FAM117B: variants seen among roughly 807,000 people sequenced by gnomAD.
FAM117B encodes the protein protein FAM117B.
A neutral mutation model predicts 52.8 loss-of-function variants in FAM117B; 22 were observed. The ratio of observed to expected loss-of-function variants is 0.42; its 90% CI spans 0.30 to 0.59. The LOEUF is 0.59. FAM117B is among the 20% of genes least tolerant of loss of function. The pLI, the probability that FAM117B is intolerant of heterozygous loss-of-function variation, is 0.22. For missense variants in FAM117B, 678 were observed against 802.6 expected (o/e 0.84, Z 1.88); for synonymous variants, 309 against 324.1 (o/e 0.95, Z 0.50).
At chr2:202,714,664 C>G (rs533662134) in intron 2 of FAM117B, among the ~76,000 whole-genome samples, 2 of 150,754 alleles carry the variant, frequency 1.3e-5, no homozygotes, top group African/African-American at 2.4e-5. Flanking sequence ...TTTTCCTAGG[C>G]AGAGGACCCT....
At chr2:202,672,742 C>T (rs1048419532) in intron 1 of FAM117B, among the ~76,000 whole-genome samples, 2 of 151,960 alleles carry the variant, frequency 1.3e-5, no homozygotes, top group Non-Finnish European at 2.9e-5. Flanking sequence ...AGTATAAGAT[C>T]GGAGGTGACA....
At position 202,635,603 on chromosome 2, in the gene FAM117B, GGCCGCC is replaced by G. The variant is rs781743179; in HGVS notation, c.431_436del (p.Pro144_Pro145del). The stretch of plus-strand genomic sequence containing the variant: ...CCTGGAGCTCGCGGGAGCCCCCCAC[GGCCGCC>G]GCCGCCGCCGCCGCTGCTGGGCACC... On this transcript the variant is annotated inframe_deletion, in exon 1 of 8. Transcript: ENST00000392238. 64 of 1,279,854 alleles carry G rather than the reference GGCCGCC, an allele frequency of 5.0e-5. No individual in the cohort carries two copies. The highest frequency in any genetic ancestry group is 6.0e-4 in the Middle Eastern group (2 of 3,330). 79.3% of individuals were successfully genotyped at this position (1,279,854 alleles called of 1,614,324 possible).
At chr2:202,664,314 G>A (rs1574546813) in intron 1 of FAM117B, among the ~76,000 whole-genome samples, 1 of 152,282 alleles carries the variant, frequency 6.6e-6, no homozygotes, top group Admixed American at 6.5e-5. Context: ...TAGGAAAAAT[G>A]ATAAAAATAT....
intron 1 of FAM117B, among the ~76,000 whole-genome samples, chr2:202,666,394 G>T (rs529936391): frequency 6.6e-6 from 1 of 151,510 alleles, no homozygotes; most frequent in African/African-American, 2.4e-5. Flanking sequence ...GGTGTTACAC[G>T]TTCACAAACG....
chr2:202,700,481 G>A (rs1038871642), intron 2 of FAM117B, among the ~76,000 whole-genome samples: 1 of 152,182 alleles, frequency 6.6e-6, no homozygotes, highest in Admixed American at 6.5e-5. Flanking sequence ...ATTCTCTTCA[G>A]TTCTTATGAA....
Position 202,635,712 on chromosome 2 carries a change from G to A in FAM117B, c.525G>A (p.Arg175=). The change falls in exon 1 of 8, where the codon CGG becomes CGA. Residue 175 remains arginine, a synonymous_variant. Coordinates refer to ENST00000392238, the MANE Select transcript of FAM117B (RefSeq NM_173511.4). ...VSAAPPPARV[R]HRRRSPEQSR... ...CGGCCCCACCCCCAGCCCGCGTCCG[G>A]CATCGGAGGAGGTCTCCGGAGCAGA... The A allele has an allele frequency of 1.4e-6, 2 of 1,436,792 alleles. No homozygotes were observed. The highest frequency in any genetic ancestry group is 1.4e-5 in the South Asian group (1 of 73,936). The allele number at this position is 1,436,792 out of a possible 1,614,324, so 89.0% of individuals were successfully genotyped here. A position where few individuals can be genotyped will look rare whatever the true frequency, so the allele number is the denominator to read the frequency against.
At chr2:202,658,392 C>T (rs999940368) in intron 1 of FAM117B, among the ~76,000 whole-genome samples, 1 of 152,248 alleles carries the variant, frequency 6.6e-6, no homozygotes, top group South Asian at 2.1e-4. Context: ...CAGCCTCTGC[C>T]TCCTGGGTTC....
chr2:202,702,229 AAAAATAC>A (rs1305163125), intron 2 of FAM117B, among the ~76,000 whole-genome samples: 10 of 152,036 alleles, frequency 6.6e-5, no homozygotes, highest in Admixed American at 6.5e-4. Context: ...CTTCTATATT[AAAAATAC>A]AAAATTTAGT....
chr2:202,727,654 G>A (rs1260196988), intron 4 of FAM117B, among the ~76,000 whole-genome samples: 2 of 152,074 alleles, frequency 1.3e-5, no homozygotes, highest in African/African-American at 4.8e-5. Flanking sequence ...AAATCATAAT[G>A]CACTTACCAT....
chr2:202,691,649 T>TTGTGTGTGTGTGTGTA (rs1360538629), intron 1 of FAM117B, among the ~76,000 whole-genome samples: 3,088 of 126,716 alleles, frequency 0.024, 80 homozygotes, highest in Non-Finnish European at 0.036. Context: ...CCAGTTTACA[T>TTGTGTGTGTGTGTGTA]TGTGTGTGTG....
rs183717098 is a variant in FAM117B at position 202,635,937 on chromosome 2, C to G, written c.601+149C>G. ...GGGCGGTGCCGGGCGGTGGGGGACC[C>G]GGCAGTGCGGCCCCGCCTTTCCCGG... On this transcript the variant is annotated intron_variant, in intron 1 of 7. Transcript: ENST00000392238. The G allele has an allele frequency of 0.021, 19,859 of 962,052 alleles. 2,973 individuals carry two copies. In the African/African-American group the frequency reaches 0.31, roughly 15 times the overall value. 59.6% of individuals were successfully genotyped at this position (962,052 alleles called of 1,614,324 possible).
In FAM117B at chr2:202,640,679, G is replaced by A. The variant is rs185251718; in HGVS notation, c.601+4891G>A. ...GGCTGGAGTGTAGTGGCACGATCTC[G>A]GCTCACTGCAACCTCTGCCTCCGGG... On this transcript the variant is annotated intron_variant, in intron 1 of 7. Transcript: ENST00000392238. 1.4e-3 allele frequency among the ~76,000 whole-genome samples: 206 copies of A among 151,352 alleles called. 1 individual carries two copies. The highest frequency in any genetic ancestry group is 2.3e-3 in the Non-Finnish European group (155 of 67,884).
chr2:202,704,184 G>T (rs1690838956), intron 2 of FAM117B, among the ~76,000 whole-genome samples: 2 of 152,084 alleles, frequency 1.3e-5, no homozygotes, highest in South Asian at 2.1e-4. Context: ...CCAATTTTTT[G>T]AGGTTACTTT....
intron 4 of FAM117B, among the ~76,000 whole-genome samples, chr2:202,749,636 A>G (rs933192316): frequency 3.9e-5 from 6 of 152,150 alleles, no homozygotes; most frequent in Admixed American, 2.6e-4. Context: ...CAATAAAGAA[A>G]ACAATGGCAG....
intron 4 of FAM117B, among the ~76,000 whole-genome samples, chr2:202,732,826 GTAAATAAATAAA>G (rs71406995): frequency 2.1e-5 from 3 of 141,066 alleles, no homozygotes; most frequent in Non-Finnish European, 3.0e-5. Flanking sequence ...ATCTCAATAA[GTAAATAAATAAA>G]TAAATAAATA....
rs186673459 is a variant in FAM117B, at chr2:202,693,632, A to G, written c.602-2249A>G. ...AAAACAAACACTTTTATGCACATCT[A>G]ATTACTTTTTAAAACAAAATATGAG... On this transcript the variant is annotated intron_variant, in intron 1 of 7. Coordinates refer to ENST00000392238, the MANE Select transcript of FAM117B (RefSeq NM_173511.4). Among the ~76,000 whole-genome samples the G allele has an allele frequency of 4.6e-5, 7 of 152,250 alleles. No individual in the cohort carries two copies. The East Asian group carries it at 1.3e-3, about 29-fold the overall frequency.
At chr2:202,698,670 G>A (rs1574560589) in intron 2 of FAM117B, among the ~76,000 whole-genome samples, 1 of 151,988 alleles carries the variant, frequency 6.6e-6, no homozygotes. Flanking sequence ...TGATCCACCC[G>A]CCTTGGCCTC....
chr2:202,656,485 T>C (rs2105759249), intron 1 of FAM117B, among the ~76,000 whole-genome samples: 1 of 152,346 alleles, frequency 6.6e-6, no homozygotes, highest in Non-Finnish European at 1.5e-5. Context: ...TAGAAGGGTT[T>C]TATTCAGTTT....
At chr2:202,760,566 G>A (rs929493262) in intron 7 of FAM117B, among the ~76,000 whole-genome samples, 2 of 152,144 alleles carry the variant, frequency 1.3e-5, no homozygotes, top group African/African-American at 2.4e-5. Context: ...ACCCAGGATT[G>A]TGGGGAAGCT....
Sources: gnomAD v4.1 joint callset for allele counts (sites outside exome capture counted in the v4.1 genomes callset) on GRCh38, gnomAD v4.1.1 for gene constraint, MANE v1.5 for transcripts, NCBI Gene and HGNC (gene_info 2026-07-23, HGNC 2026-07-21) for gene names.